The following OTOP2 variants were observed in gnomAD, a reference collection of about 807,000 sequenced individuals.
OTOP2 encodes otopetrin 2.
Under a neutral mutation model 47.4 loss-of-function variants are expected in OTOP2, and 41 were observed. That is an observed-to-expected ratio of 0.87 (90% CI 0.67 to 1.12). The LOEUF (loss-of-function observed/expected upper bound fraction) is 1.12. OTOP2 is among the 50% of genes most tolerant of loss of function. OTOP2 has a pLI of 0.00. For synonymous variants in OTOP2, 328 were observed against 319.6 expected, an observed-to-expected ratio of 1.03 and a Z score of -0.28; for missense variants, 721 against 752.2, an observed-to-expected ratio of 0.96 and a Z score of 0.49.
rs1485284995 is a variant in OTOP2, at chr17:74,930,107, C to T, written c.644-172C>T. On this transcript the variant is annotated intron_variant, in intron 5 of 6. Coordinates refer to ENST00000331427, the MANE Select transcript of OTOP2 (RefSeq NM_178160.3). The surrounding 1 kb of genome is among the most constrained non-coding windows in gnomAD (Gnocchi z 4.0). ...CTGAGGCAGGAGAATGGCTTGAATC[C>T]GGGAGGTGAAGCTTGCAGTGAGCCA... Among the ~76,000 whole-genome samples, 3 of 152,036 alleles carry T rather than the reference C, an allele frequency of 2.0e-5. No individual in the cohort carries two copies. The highest frequency in any genetic ancestry group is 6.6e-5 in the Admixed American group (1 of 15,260).
chr17:74,924,857 C>T lies in OTOP2; in HGVS notation c.225C>T (p.Leu75=). The T allele has an allele frequency of 6.2e-7, 1 of 1,607,382 alleles. No individual in the cohort carries two copies. The highest frequency in any genetic ancestry group is 8.5e-7 in the Non-Finnish European group (1 of 1,177,330). The part of the protein sequence containing the change: ...LLTAMMLLAT[L]WILFYLLRTV... The stretch of plus-strand genomic sequence containing the variant: ...CTGCGATGATGCTGCTGGCAACGCT[C>T]TGGATCCTCTTCTACCTCCTCCGAA... The change falls in exon 2 of 7, where the codon CTC becomes CTT. Residue 75 remains leucine, a synonymous_variant. Transcript: ENST00000331427. The surrounding 1 kb of genome is among the most constrained non-coding windows in gnomAD (Gnocchi z 7.7).
chr17:74,930,149 C>T lies in OTOP2; in HGVS notation c.644-130C>T. The T allele has an allele frequency of 9.4e-7, 1 of 1,062,690 alleles. No individual in the cohort carries two copies. The highest frequency in any genetic ancestry group is 1.3e-6 in the Non-Finnish European group (1 of 753,196). The allele number at this position is 1,062,690 out of a possible 1,614,324, so 65.8% of individuals were successfully genotyped here. A position where few individuals can be genotyped will look rare whatever the true frequency, so the allele number is the denominator to read the frequency against. ...AGTGAGCCAAGATCACACCATTGCA[C>T]TCCAGCCTGAGCATCAAGAGTGAAA... On this transcript the variant is annotated intron_variant, in intron 5 of 6. Transcript: ENST00000331427. This position sits in a 1 kb window ranked among gnomAD's most constrained non-coding sequence, Gnocchi z 4.0.
Sources: gnomAD v4.1 joint callset for allele counts (sites outside exome capture counted in the v4.1 genomes callset) on GRCh38, gnomAD v4.1.1 for gene constraint, Gnocchi (gnomAD v3.1) non-coding constraint, MANE v1.5 for transcripts, NCBI Gene and HGNC (gene_info 2026-07-23, HGNC 2026-07-21) for gene names.